Variants in NFIC observed in about 807,000 individuals in gnomAD.
The protein encoded by NFIC is nuclear factor I C.
A neutral mutation model predicts 54.4 loss-of-function variants in NFIC; 12 were observed. The observed-to-expected ratio is 0.22, with a 90% CI of 0.14 to 0.36. NFIC has a LOEUF of 0.36. Among genes scored for constraint, NFIC ranks in the 10% least tolerant of loss-of-function variants. The pLI is 1.00. For missense variants in NFIC, 575 were observed against 718.2 expected (o/e 0.80, Z 2.28); for synonymous variants, 322 against 319.2 (o/e 1.01, Z -0.09).
chr19:3,398,941 T>G (rs893640542), intron 2 of NFIC, among the ~76,000 whole-genome samples: 2 of 152,248 alleles, frequency 1.3e-5, no homozygotes, highest in African/African-American at 4.8e-5. Flanking sequence ...AATGTCGTTA[T>G]GATTATTTTT....
chr19:3,382,362 A>G, intron 2 of NFIC, 119 bp downstream of exon 2: 1 of 1,394,694 alleles, frequency 7.2e-7, no homozygotes, highest in Non-Finnish European at 9.6e-7. Flanking sequence ...TGGTGGTCTG[A>G]GAGGGGAAGT....
chr19:3,374,591 A>G (rs1410313943), intron 1 of NFIC, among the ~76,000 whole-genome samples: 1 of 152,154 alleles, frequency 6.6e-6, no homozygotes, highest in Admixed American at 6.6e-5. Context: ...ATAGAACTGG[A>G]TGGTCCTGGC....
chr19:3,431,739 C>G (rs1052283666), intron 3 of NFIC, among the ~76,000 whole-genome samples: 2 of 151,652 alleles, frequency 1.3e-5, no homozygotes, highest in African/African-American at 2.4e-5. Context: ...CCTGAGCTCA[C>G]GAGATCCACC....
chr19:3,429,523 C>T (rs1173857411), intron 3 of NFIC, among the ~76,000 whole-genome samples: 1 of 152,100 alleles, frequency 6.6e-6, no homozygotes, highest in Non-Finnish European at 1.5e-5. Flanking sequence ...CCCAGGAGTT[C>T]GAGGCTGCAG....
At position 3,433,678 on chromosome 19, in the gene NFIC, C is replaced by T; in HGVS notation, c.709+86C>T. ...AGGAGCCCACCCCCCTCACCCTACT[C>T]CTTGTCCTTTCCAGACAACCCCCTG... is the stretch of plus-strand genomic sequence containing the variant. On this transcript the variant is annotated intron_variant, in intron 4 of 10. Coordinates refer to ENST00000443272, the MANE Select transcript of NFIC (RefSeq NM_001245002.2). The T allele has an allele frequency of 2.8e-6, 4 of 1,422,042 alleles. No homozygotes were observed. The South Asian group carries it at 3.6e-5, about 13-fold the overall frequency. The allele number at this position is 1,422,042 out of a possible 1,614,324, so 88.1% of individuals were successfully genotyped here.
At chr19:3,371,524 T>G (rs77166016) in intron 1 of NFIC, 1 of 151,804 alleles carries the variant, frequency 6.6e-6, no homozygotes, top group Non-Finnish European at 1.5e-5. Flanking sequence ...TGAATGTTTT[T>G]GGTTGAGAGG....
At chr19:3,401,365 C>T (rs1037731185) in intron 2 of NFIC, among the ~76,000 whole-genome samples, 2 of 152,082 alleles carry the variant, frequency 1.3e-5, no homozygotes, top group Non-Finnish European at 2.9e-5. Context: ...GCAGAGTGGA[C>T]CGCCCTGGTG....
At chr19:3,402,308 CCA>C (rs2081571063) in intron 2 of NFIC, among the ~76,000 whole-genome samples, 1 of 152,226 alleles carries the variant, frequency 6.6e-6, no homozygotes, top group South Asian at 2.1e-4. Context: ...CCTCAGCCTC[CCA>C]CAGTGCTGGG....
At chr19:3,398,470 C>T (rs2081500227) in intron 2 of NFIC, among the ~76,000 whole-genome samples, 1 of 152,166 alleles carries the variant, frequency 6.6e-6, no homozygotes, top group African/African-American at 2.4e-5. Context: ...CTTCAGGCTG[C>T]TCCCCTGCCC....
intron 1 of NFIC, among the ~76,000 whole-genome samples, chr19:3,367,407 C>T (rs1263496977): frequency 2.0e-5 from 3 of 152,178 alleles, no homozygotes; most frequent in Non-Finnish European, 4.4e-5. Context: ...GGAGGCCCGG[C>T]GCTCCGGGTC....
At chr19:3,393,697 C>A (rs1019730480) in intron 2 of NFIC, among the ~76,000 whole-genome samples, 4 of 151,230 alleles carry the variant, frequency 2.6e-5, no homozygotes, top group African/African-American at 4.9e-5. Flanking sequence ...AACCTGTAAT[C>A]CCAGCTACTC....
rs140080704 is a variant in NFIC, at chr19:3,391,563, G to A, written c.562+9320G>A. ...TGTAATCCCAGCACTTTGGGAGGCC[G>A]AGGCAGGCAGACCACTTGAGGTCAA... On this transcript the variant is annotated intron_variant, in intron 2 of 10. Coordinates refer to ENST00000443272, the MANE Select transcript of NFIC (RefSeq NM_001245002.2). 3.9e-3 allele frequency among the ~76,000 whole-genome samples: 597 copies of A among 152,176 alleles called. 38 individuals are homozygous for A. The East Asian group carries it at 0.11, about 27-fold the overall frequency.
intron 2 of NFIC, among the ~76,000 whole-genome samples, chr19:3,407,442 G>A (rs1298237612): frequency 7.6e-6 from 1 of 131,340 alleles, no homozygotes; most frequent in Non-Finnish European, 1.6e-5. Context: ...TTGCTTTGTT[G>A]TTGTTGTTTT....
chr19:3,359,793 C>T (rs1301262766), intron 1 of NFIC: 34 of 1,194,814 alleles, frequency 2.8e-5, no homozygotes, highest in Admixed American at 3.7e-5. Flanking sequence ...GGGGGCCGCC[C>T]GGAGGAGGGG....
intron 2 of NFIC, among the ~76,000 whole-genome samples, chr19:3,419,603 T>A (rs1265299977): frequency 1.3e-5 from 2 of 152,122 alleles, no homozygotes; most frequent in Non-Finnish European, 2.9e-5. Context: ...ACCCCATCTC[T>A]ACTAAAAATA....
At chr19:3,444,391 C>T (rs2082339634) in intron 6 of NFIC, among the ~76,000 whole-genome samples, 1 of 152,222 alleles carries the variant, frequency 6.6e-6, no homozygotes, top group African/African-American at 2.4e-5. Context: ...TGGATGTGTT[C>T]CCTGAGAGGA....
chr19:3,409,305 G>A (rs1018702228), intron 2 of NFIC, among the ~76,000 whole-genome samples: 2 of 152,088 alleles, frequency 1.3e-5, no homozygotes, highest in African/African-American at 4.8e-5. Context: ...CACATGGCTG[G>A]GCTCCTTCTC....
intron 1 of NFIC, among the ~76,000 whole-genome samples, chr19:3,376,592 G>T (rs1467192367): frequency 6.6e-6 from 1 of 152,042 alleles, no homozygotes; most frequent in Non-Finnish European, 1.5e-5. Flanking sequence ...AAATTAGCCA[G>T]ACATGGTGGT....
rs2082729587 is a variant in NFIC, at chr19:3,467,286, T to G, written c.*4517T>G. 1 of 131,164 alleles carries G rather than the reference T, an allele frequency of 7.6e-6. No homozygotes were observed. 8.1% of individuals were successfully genotyped at this position (131,164 alleles called of 1,614,324 possible). A position where few individuals can be genotyped will look rare whatever the true frequency, so the allele number is the denominator to read the frequency against. On this transcript the variant is annotated 3_prime_UTR_variant, in exon 11 of 11. Transcript: ENST00000443272. ...AAAGAATAGGGAGGCCTCCCAAATA[T>G]ATGCAAATTGTCCCCATTCCGTGGG...
Sources: gnomAD v4.1 joint callset for allele counts (sites outside exome capture counted in the v4.1 genomes callset) on GRCh38, gnomAD v4.1.1 for gene constraint, MANE v1.5 for transcripts, NCBI Gene and HGNC (gene_info 2026-07-23, HGNC 2026-07-21) for gene names.